RCAN1: variants seen among roughly 807,000 people sequenced by gnomAD.
RCAN1 encodes the protein regulator of calcineurin 1.
In RCAN1, 11 loss-of-function variants were observed where a neutral mutation model predicts 22.9. The ratio of observed to expected loss-of-function variants is 0.48; its 90% CI spans 0.30 to 0.79. The LOEUF is 0.79. Ranked by LOEUF, RCAN1 falls within the 30% of genes least tolerant of loss-of-function variation. The pLI, the probability that RCAN1 is intolerant of heterozygous loss-of-function variation, is 0.06. For missense variants in RCAN1, 291 were observed against 337.8 expected, an observed-to-expected ratio of 0.86 and a Z score of 1.09; for synonymous variants, 136 against 142.3, an observed-to-expected ratio of 0.96 and a Z score of 0.32.
intron 1 of RCAN1, among the ~76,000 whole-genome samples, chr21:34,582,392 C>T (rs1221360613): frequency 6.6e-6 from 1 of 152,060 alleles, no homozygotes; most frequent in Admixed American, 6.6e-5. Context: ...GAATGGTGCG[C>T]TCGCTTAGCT....
intron 1 of RCAN1, among the ~76,000 whole-genome samples, chr21:34,556,065 A>AAAATAAATAAATAAAT (rs71324312): frequency 0.044 from 4,713 of 108,058 alleles, 161 homozygotes; most frequent in Middle Eastern, 0.056. Flanking sequence ...TCCATTTCAA[A>AAAATAAATAAATAAAT]AAATAAATAA....
At chr21:34,562,639 G>A (rs1431367739) in intron 1 of RCAN1, among the ~76,000 whole-genome samples, 1 of 152,182 alleles carries the variant, frequency 6.6e-6, no homozygotes, top group Non-Finnish European at 1.5e-5. Context: ...CATTGTCAAC[G>A]GTGGTATCAG....
chr21:34,564,683 T>C (rs936710561), intron 1 of RCAN1, among the ~76,000 whole-genome samples: 5 of 152,130 alleles, frequency 3.3e-5, no homozygotes, highest in African/African-American at 1.2e-4. Flanking sequence ...ACAATATTCA[T>C]TAATTATTTT....
intron 1 of RCAN1, among the ~76,000 whole-genome samples, chr21:34,547,554 C>T (rs896659741): frequency 1.3e-5 from 2 of 152,146 alleles, no homozygotes; most frequent in Admixed American, 1.3e-4. Flanking sequence ...GAATGTGTCC[C>T]CCAAAAGTTT....
At chr21:34,577,999 A>C (rs1006239995) in intron 1 of RCAN1, among the ~76,000 whole-genome samples, 1 of 152,210 alleles carries the variant, frequency 6.6e-6, no homozygotes, top group Non-Finnish European at 1.5e-5. Context: ...CTGGAAAGTC[A>C]GACAGCCAGG....
chr21:34,533,030 G>A lies in RCAN1; in HGVS notation c.253-9320C>T, dbSNP rs552914645. Among the ~76,000 whole-genome samples, 491 of 149,996 alleles carry A rather than the reference G, an allele frequency of 3.3e-3. 3 individuals are homozygous for A. The highest frequency in any genetic ancestry group is 5.2e-3 in the Non-Finnish European group (355 of 67,678). On this transcript the variant is annotated intron_variant, in intron 1 of 3. Transcript: ENST00000313806. ...GGCTGGAGTGCAGTGGCACTATCTC[G>A]GCTCACTGCAAGCTCCGCCTCCCGG...
Position 34,523,614 on chromosome 21 carries a change from A to G in RCAN1, c.349T>C (p.Phe117Leu), listed in dbSNP as rs1984773195. 2 of 1,614,156 alleles carry G rather than the reference A, an allele frequency of 1.2e-6. No homozygotes were observed. Among genetic ancestry groups the G allele is most frequent in the Non-Finnish European group, 1.7e-6 (2 of 1,180,016 alleles). ...KRVRINFSNP[F>L]SAADARLQLH... ...TGGAGCCTGGCATCTGCTGCGGAGA[A>G]GGGGTTGCTGAAGTTTATTCTGACT... is the stretch of plus-strand genomic sequence containing the variant. The change falls in exon 2 of 4, where the codon TTC (phenylalanine) becomes CTC (leucine). Residue 117 changes from phenylalanine (F) to leucine (L), a missense_variant. Phe to Leu is a conservative substitution (Grantham distance 22, BLOSUM62 0). Transcript: ENST00000313806.
intron 1 of RCAN1, among the ~76,000 whole-genome samples, chr21:34,589,736 C>G (rs2123709219): frequency 6.6e-6 from 1 of 152,148 alleles, no homozygotes; most frequent in East Asian, 1.9e-4. Flanking sequence ...CTTTTCCTGC[C>G]CGCCTGCCTG....
chr21:34,525,107 G>T (rs1412827029), intron 1 of RCAN1: 4 of 1,550,608 alleles, frequency 2.6e-6, no homozygotes, highest in Non-Finnish European at 2.6e-6. Flanking sequence ...CCTATGGAAG[G>T]CGCAGTGTCT....
At chr21:34,589,613 T>C (rs1022194588) in intron 1 of RCAN1, among the ~76,000 whole-genome samples, 6 of 152,144 alleles carry the variant, frequency 3.9e-5, no homozygotes, top group Non-Finnish European at 8.8e-5. Flanking sequence ...AGCATTTGAA[T>C]TGGTGGACTC....
chr21:34,525,229 G>A (rs1202759741), intron 1 of RCAN1: 1 of 1,550,668 alleles, frequency 6.4e-7, no homozygotes, highest in East Asian at 2.4e-5. Context: ...GGGGCTGCGG[G>A]TAGGAGCAGG....
At chr21:34,527,446 G>A (rs951931069) in intron 1 of RCAN1, among the ~76,000 whole-genome samples, 4 of 152,156 alleles carry the variant, frequency 2.6e-5, no homozygotes, top group Non-Finnish European at 5.9e-5. Flanking sequence ...TTTTTCCCCA[G>A]TGACATTTTA....
At chr21:34,574,476 C>T (rs145578435) in intron 1 of RCAN1, among the ~76,000 whole-genome samples, 1 of 152,106 alleles carries the variant, frequency 6.6e-6, no homozygotes, top group African/African-American at 2.4e-5. Flanking sequence ...TGCACTAGAC[C>T]CAACTTAGGG....
chr21:34,592,796 T>C (rs1988018385), intron 1 of RCAN1, among the ~76,000 whole-genome samples: 1 of 152,190 alleles, frequency 6.6e-6, no homozygotes, highest in South Asian at 2.1e-4. Flanking sequence ...CTATATGATG[T>C]CTATGTTCTC....
intron 1 of RCAN1, among the ~76,000 whole-genome samples, chr21:34,558,163 A>C (rs1367527854): frequency 1.3e-5 from 2 of 152,252 alleles, no homozygotes; most frequent in African/African-American, 4.8e-5. Context: ...ACATTTGGCT[A>C]TTCCATAAAA....
chr21:34,561,520 CA>C (rs143995700), intron 1 of RCAN1, among the ~76,000 whole-genome samples: 1 of 152,274 alleles, frequency 6.6e-6, no homozygotes, highest in African/African-American at 2.4e-5. Context: ...TCTACCTAAA[CA>C]AAAATACATT....
At position 34,613,799 on chromosome 21, in the gene RCAN1, G is replaced by C. The variant is rs1185558215; in HGVS notation, c.252+961C>G. On this transcript the variant is annotated intron_variant, in intron 1 of 3. Transcript: ENST00000313806. ...AAATGACACTTACATACACCATTCTGTTTCACAGTGGTGTTGTATTGGCAG... is the reference window on the plus strand; with the variant it reads ...AAATGACACTTACATACACCATTCTCTTTCACAGTGGTGTTGTATTGGCAG... The C allele has an allele frequency of 3.3e-6, 5 of 1,498,758 alleles. 1 individual carries two copies. In the East Asian group the frequency reaches 1.0e-4, roughly 30 times the overall value. 92.8% of individuals were successfully genotyped at this position (1,498,758 alleles called of 1,614,324 possible). A position where few individuals can be genotyped will look rare whatever the true frequency, so the allele number is the denominator to read the frequency against.
At chr21:34,539,110 A>G (rs747450227) in intron 1 of RCAN1, among the ~76,000 whole-genome samples, 1 of 152,250 alleles carries the variant, frequency 6.6e-6, no homozygotes, top group African/African-American at 2.4e-5. Flanking sequence ...AACTTTCAGT[A>G]TAAACCGCAT....
chr21:34,603,223 C>T (rs1403681620), intron 1 of RCAN1, among the ~76,000 whole-genome samples: 1 of 152,178 alleles, frequency 6.6e-6, no homozygotes, highest in Non-Finnish European at 1.5e-5. Flanking sequence ...GTTACTGCCC[C>T]CCGGCGGCGA....
Sources: gnomAD v4.1 joint callset for allele counts (sites outside exome capture counted in the v4.1 genomes callset) on GRCh38, gnomAD v4.1.1 for gene constraint, MANE v1.5 for transcripts, NCBI Gene and HGNC (gene_info 2026-07-23, HGNC 2026-07-21) for gene names.